TTC28: variants seen among roughly 807,000 people sequenced by gnomAD.
TTC28 encodes the protein tetratricopeptide repeat domain 28.
TTC28 carries 61 observed loss-of-function variants against 198.0 expected under a neutral mutation model. The ratio of observed to expected loss-of-function variants is 0.31; its 90% CI spans 0.25 to 0.38. The LOEUF (loss-of-function observed/expected upper bound fraction) is 0.38, where lower values mean the gene tolerates loss of function less well. Among genes scored for constraint, TTC28 ranks in the 10% least tolerant of loss-of-function variants. TTC28 has a pLI of 1.00. For missense variants in TTC28, 2,678 were observed against 3,164.0 expected (o/e 0.85, Z 3.69); for synonymous variants, 1,171 against 1,297.8 (o/e 0.90, Z 2.10).
intron 5 of TTC28, among the ~76,000 whole-genome samples, chr22:28,202,578 T>A (rs1473189753): frequency 6.6e-6 from 1 of 151,948 alleles, no homozygotes; most frequent in Non-Finnish European, 1.5e-5. Flanking sequence ...TAGAATTTTC[T>A]TTGAATCATC....
intron 2 of TTC28, among the ~76,000 whole-genome samples, chr22:28,333,128 C>A (rs1227293799): frequency 6.6e-6 from 1 of 152,038 alleles, no homozygotes; most frequent in Non-Finnish European, 1.5e-5. Flanking sequence ...AAAACTAAAA[C>A]AATTTTAAAT....
intron 2 of TTC28, among the ~76,000 whole-genome samples, chr22:28,408,642 G>C (rs907896403): frequency 6.6e-6 from 1 of 152,184 alleles, no homozygotes; most frequent in African/African-American, 2.4e-5. Context: ...ACCTGCGTCG[G>C]CCTCCCAAAG....
intron 2 of TTC28, among the ~76,000 whole-genome samples, chr22:28,438,930 C>T (rs985742100): frequency 6.6e-6 from 1 of 152,012 alleles, no homozygotes; most frequent in African/African-American, 2.4e-5. Context: ...GAGATTTTGC[C>T]GAGAGTGTGA....
intron 5 of TTC28, among the ~76,000 whole-genome samples, chr22:28,239,189 T>C (rs999359149): frequency 6.6e-6 from 1 of 152,140 alleles, no homozygotes; most frequent in Non-Finnish European, 1.5e-5. Flanking sequence ...TACTTTTCTT[T>C]CCTTTTGCTT....
At chr22:28,439,570 G>A (rs992102079) in intron 2 of TTC28, among the ~76,000 whole-genome samples, 63 of 152,008 alleles carry the variant, frequency 4.1e-4, no homozygotes, top group African/African-American at 1.4e-3. Flanking sequence ...TATGTGACTG[G>A]GTAAGTCACT....
At position 27,982,942 on chromosome 22, in the gene TTC28, A is replaced by C; in HGVS notation, c.6725T>G (p.Leu2242Arg). The part of the protein sequence containing the change: ...KPKPPARSSS[L>R]PKVSSGYSSP... Reference sequence around the variant, plus strand: ...GCTATATCCGGAACTCACCTTGGGCAGGGAGGAGCTCCTGGCTGGGGGCTT... The same window carrying C: ...GCTATATCCGGAACTCACCTTGGGCCGGGAGGAGCTCCTGGCTGGGGGCTT... Residue 2242 changes from leucine to arginine, a missense_variant, in exon 23 of 23, where the codon CTG becomes CGG. Physicochemically the swap from Leu to Arg is moderately radical, Grantham distance 102. Around this residue, in one of 8 missense-constraint regions of TTC28, gnomAD observed 622 missense variants for 656.0 expected, o/e 0.95. Coordinates refer to ENST00000397906, the MANE Select transcript of TTC28 (RefSeq NM_001145418.2). The surrounding 1 kb of genome is among the most constrained non-coding windows in gnomAD (Gnocchi z 5.2). The C allele has an allele frequency of 3.2e-6, 5 of 1,551,650 alleles. No individual in the cohort carries two copies. Among genetic ancestry groups the C allele is most frequent in the Non-Finnish European group, 3.5e-6 (4 of 1,146,978 alleles).
At chr22:28,049,472 A>C (rs1190184172) in intron 12 of TTC28, among the ~76,000 whole-genome samples, 2 of 152,064 alleles carry the variant, frequency 1.3e-5, no homozygotes, top group African/African-American at 2.4e-5. Flanking sequence ...AGGAATTTAA[A>C]ATTTTTTAAA....
At chr22:28,413,759 G>A (rs973909584) in intron 2 of TTC28, among the ~76,000 whole-genome samples, 2 of 151,956 alleles carry the variant, frequency 1.3e-5, no homozygotes, top group African/African-American at 4.8e-5. Context: ...TAAAAAAAAG[G>A]TGGTAACTTT....
At chr22:28,528,737 TAAA>T (rs5844812) in intron 2 of TTC28, among the ~76,000 whole-genome samples, 3 of 89,932 alleles carry the variant, frequency 3.3e-5, no homozygotes, top group African/African-American at 5.1e-5. Flanking sequence ...CCCTGTCTCA[TAAA>T]AAAAAAAAAA....
chr22:28,042,962 TG>T (rs746992805), intron 12 of TTC28, among the ~76,000 whole-genome samples: 20 of 152,084 alleles, frequency 1.3e-4, no homozygotes, highest in Admixed American at 2.0e-4. Flanking sequence ...ACTGCCTCCC[TG>T]GGCCAGGCAC....
At chr22:28,136,307 G>A (rs1000891936) in intron 6 of TTC28, among the ~76,000 whole-genome samples, 2 of 151,954 alleles carry the variant, frequency 1.3e-5, no homozygotes, top group African/African-American at 4.8e-5. Flanking sequence ...ACCACACCCA[G>A]CTAATTTTTA....
intron 8 of TTC28, among the ~76,000 whole-genome samples, chr22:28,102,059 C>A (rs1942171901): frequency 6.6e-6 from 1 of 152,280 alleles, no homozygotes; most frequent in Non-Finnish European, 1.5e-5. Context: ...CAAAGGAAAA[C>A]TCCTGGCTGA....
At chr22:28,450,602 C>T (rs558001234) in intron 2 of TTC28, among the ~76,000 whole-genome samples, 4 of 152,254 alleles carry the variant, frequency 2.6e-5, no homozygotes, top group East Asian at 1.9e-4. Context: ...AGTTTTACTA[C>T]GCTAACTCTG....
chr22:28,637,080 A>G (rs971985644), intron 1 of TTC28, among the ~76,000 whole-genome samples: 2 of 146,958 alleles, frequency 1.4e-5, no homozygotes, highest in Non-Finnish European at 1.5e-5. Context: ...GCAATCTCCA[A>G]TCACTGCAAG....
chr22:28,173,578 C>T (rs1922887996), intron 5 of TTC28, among the ~76,000 whole-genome samples: 1 of 152,174 alleles, frequency 6.6e-6, no homozygotes, highest in African/African-American at 2.4e-5. Flanking sequence ...AATATAATTT[C>T]CAGCTGCAGA....
chr22:28,531,603 T>C (rs2049141696), intron 2 of TTC28, among the ~76,000 whole-genome samples: 1 of 152,272 alleles, frequency 6.6e-6, no homozygotes, highest in Non-Finnish European at 1.5e-5. Context: ...CAACAGAATA[T>C]ACATTCTTCT....
chr22:28,241,226 C>T (rs1929632602), intron 5 of TTC28, among the ~76,000 whole-genome samples: 1 of 151,944 alleles, frequency 6.6e-6, no homozygotes, highest in Non-Finnish European at 1.5e-5. Context: ...AGTATTTTTG[C>T]CCCCAAAATG....
chr22:28,621,670 G>C (rs1451130558), intron 2 of TTC28, among the ~76,000 whole-genome samples: 1 of 150,040 alleles, frequency 6.7e-6, no homozygotes, highest in South Asian at 2.1e-4. Flanking sequence ...CTGAGCCCAG[G>C]AGTTCAAAAC....
At chr22:28,194,166 G>A (rs935132924) in intron 5 of TTC28, among the ~76,000 whole-genome samples, 1 of 152,042 alleles carries the variant, frequency 6.6e-6, no homozygotes, top group East Asian at 1.9e-4. Flanking sequence ...ACTGAACAAC[G>A]TACTCCTCAA....
Sources: allele counts gnomAD v4.1 joint callset (sites outside exome capture counted in the v4.1 genomes callset), GRCh38; gene constraint gnomAD v4.1.1; regional missense constraint gnomAD v4.1.1; non-coding constraint Gnocchi (gnomAD v3.1); transcripts MANE v1.5; gene names NCBI Gene and HGNC (gene_info 2026-07-23, HGNC 2026-07-21).